MYCBP2: variants seen among roughly 807,000 people sequenced by gnomAD.
MYCBP2 encodes the protein E3 ubiquitin-protein ligase MYCBP2.
A neutral mutation model predicts 525.3 loss-of-function variants in MYCBP2; 120 were observed. That is an observed-to-expected ratio of 0.23 (90% CI 0.20 to 0.27). The LOEUF (loss-of-function observed/expected upper bound fraction) is 0.27, where lower values mean the gene tolerates loss of function less well. Among genes scored for constraint, MYCBP2 ranks in the 10% least tolerant of loss-of-function variants. The pLI is 1.00. For missense variants in MYCBP2, 4,149 were observed against 5,657.1 expected, an observed-to-expected ratio of 0.73 and a Z score of 8.55; for synonymous variants, 1,894 against 1,955.8, an observed-to-expected ratio of 0.97 and a Z score of 0.83.
Position 77,286,789 on chromosome 13 carries a change from AATATATAT to A in MYCBP2, c.594+1364_594+1371del, listed in dbSNP as rs1197559343. 9.2e-3 allele frequency among the ~76,000 whole-genome samples: 387 copies of A among 42,286 alleles called. 5 individuals carry two copies. Among genetic ancestry groups the A allele is most frequent in the African/African-American group, 0.015 (133 of 8,932 alleles). The allele number at this position is 42,286 out of a possible 152,430, so 27.7% of individuals were successfully genotyped here. A position where few individuals can be genotyped will look rare whatever the true frequency, so the allele number is the denominator to read the frequency against. ...AAAAAAAAAAAAAAAAAAAAAAAAA[AATATATAT>A]ATATATATATATATATATATAGACC... On this transcript the variant is annotated intron_variant, in intron 3 of 82. Transcript: ENST00000544440.
At chr13:77,313,554 C>G (rs1424284362) in intron 1 of MYCBP2, among the ~76,000 whole-genome samples, 1 of 151,752 alleles carries the variant, frequency 6.6e-6, no homozygotes, top group Non-Finnish European at 1.5e-5. Flanking sequence ...CAGGAGAAAA[C>G]CTAGATAACT....
intron 48 of MYCBP2, 96 bp downstream of exon 48, chr13:77,146,062 GTATT>G (rs1367435182): frequency 6.9e-6 from 5 of 719,442 alleles, no homozygotes; most frequent in African/African-American, 1.8e-5. Flanking sequence ...ATGCTATAAA[GTATT>G]TATTTATAGA....
intron 51 of MYCBP2, among the ~76,000 whole-genome samples, 161 bp from the exon 52 acceptor site, chr13:77,139,497 A>T (rs541437741): frequency 1.3e-5 from 2 of 152,196 alleles, no homozygotes; most frequent in Admixed American, 6.5e-5. Context: ...GGGAAAAAAA[A>T]AGCAGCAAAG....
At chr13:77,211,917 A>G (rs1164299532) in intron 22 of MYCBP2, 39 bp downstream of exon 22, 2 of 1,480,230 alleles carry the variant, frequency 1.4e-6, no homozygotes, top group Non-Finnish European at 1.9e-6. Context: ...CAATCAAGAC[A>G]AGAGTTTGGA....
chr13:77,195,406 G>A (rs118024837), intron 26 of MYCBP2, among the ~76,000 whole-genome samples: 1,592 of 152,258 alleles, frequency 0.01, 15 homozygotes, highest in Middle Eastern at 0.027. Flanking sequence ...ACACCAGCCT[G>A]GTCAACATGG....
At chr13:77,116,228 A>G (rs1166584229) in intron 55 of MYCBP2, among the ~76,000 whole-genome samples, 1 of 152,040 alleles carries the variant, frequency 6.6e-6, no homozygotes, top group African/African-American at 2.4e-5. Flanking sequence ...GGTCTTCTAC[A>G]TAATGATTTA....
intron 82 of MYCBP2, among the ~76,000 whole-genome samples, chr13:77,046,655 G>A (rs973540457): frequency 6.6e-6 from 1 of 152,200 alleles, no homozygotes; most frequent in African/African-American, 2.4e-5. Flanking sequence ...AGTAAGTTCT[G>A]TACAAGAGTA....
intron 55 of MYCBP2, among the ~76,000 whole-genome samples, chr13:77,119,819 G>A (rs928391084): frequency 7.2e-5 from 11 of 152,070 alleles, no homozygotes; most frequent in African/African-American, 2.7e-4. Context: ...TAAACTCCTG[G>A]CCTCAAGTGA....
chr13:77,282,738 T>G (rs2076329397), intron 3 of MYCBP2, among the ~76,000 whole-genome samples: 1 of 152,194 alleles, frequency 6.6e-6, no homozygotes, highest in African/African-American at 2.4e-5. Flanking sequence ...AATCAGCATG[T>G]GAACTAAACT....
chr13:77,276,059 T>C (rs1488340981), intron 4 of MYCBP2, among the ~76,000 whole-genome samples: 1 of 152,230 alleles, frequency 6.6e-6, no homozygotes, highest in Non-Finnish European at 1.5e-5. Context: ...ATTATACACA[T>C]ATCCAACTCT....
intron 13 of MYCBP2, among the ~76,000 whole-genome samples, chr13:77,259,760 A>C (rs185001636): frequency 2.3e-4 from 35 of 152,360 alleles, no homozygotes; most frequent in Admixed American, 1.9e-3. Flanking sequence ...CAAAGGCTTT[A>C]CATATTTATC....
At chr13:77,142,228 A>C (rs1352770097) in intron 49 of MYCBP2, among the ~76,000 whole-genome samples, 1 of 152,228 alleles carries the variant, frequency 6.6e-6, no homozygotes, top group Non-Finnish European at 1.5e-5. Flanking sequence ...ATTCTACTTC[A>C]TAAGATTTTT....
intron 5 of MYCBP2, 107 bp downstream of exon 5, chr13:77,273,365 A>T: frequency 1.2e-6 from 1 of 854,916 alleles, no homozygotes; most frequent in Non-Finnish European, 1.8e-6. Flanking sequence ...GGACAGATTA[A>T]GCTACTGTAA....
chr13:77,172,279 A>C (rs567291894), intron 37 of MYCBP2, among the ~76,000 whole-genome samples: 1 of 152,274 alleles, frequency 6.6e-6, no homozygotes, highest in African/African-American at 2.4e-5. Context: ...ATACTGGTGA[A>C]TTAAAGGAAC....
chr13:77,177,121 C>T (rs2059778983), intron 35 of MYCBP2, among the ~76,000 whole-genome samples: 1 of 148,166 alleles, frequency 6.7e-6, no homozygotes, highest in Non-Finnish European at 1.5e-5. Context: ...TCCATCTCAA[C>T]ATTGTGTTTC....
In MYCBP2 at chr13:77,206,678, T is replaced by C. The variant is rs755143483; in HGVS notation, c.3564A>G (p.Arg1188=). The C allele has an allele frequency of 1.9e-6, 3 of 1,605,372 alleles. No individual in the cohort carries two copies. Among genetic ancestry groups the C allele is most frequent in the East Asian group, 4.5e-5 (2 of 44,728 alleles). The change falls in exon 24 of 83, where the codon CGA becomes CGG. Residue 1188 remains arginine, a synonymous_variant. Transcript: ENST00000544440. ...LPTGSRALTT[R]SHAALHILGC... is the part of the protein sequence containing the mutation. ...CTAAAATGTGCAAAGCTGCATGAGATCGGGTAGTGAGGGCCCTTGATCCTG... is the reference window on the plus strand; with the variant it reads ...CTAAAATGTGCAAAGCTGCATGAGACCGGGTAGTGAGGGCCCTTGATCCTG...
chr13:77,307,625 CAAAAAAAAAAAAA>C (rs763388200), intron 1 of MYCBP2, among the ~76,000 whole-genome samples: 49 of 30,124 alleles, frequency 1.6e-3, no homozygotes, highest in African/African-American at 6.4e-3. Flanking sequence ...GACCCTGTCT[CAAAAAAAAAAAAA>C]AAAAAAAAAA....
At chr13:77,225,961 T>C (rs1382260154) in intron 18 of MYCBP2, among the ~76,000 whole-genome samples, 1 of 152,208 alleles carries the variant, frequency 6.6e-6, no homozygotes, top group Non-Finnish European at 1.5e-5. Context: ...GTACTAGCCA[T>C]TTTTAAAAAA....
chr13:77,306,872 G>C (rs893719263), intron 1 of MYCBP2, among the ~76,000 whole-genome samples: 2 of 152,086 alleles, frequency 1.3e-5, no homozygotes, highest in Non-Finnish European at 2.9e-5. Flanking sequence ...TTCAGATGGT[G>C]GGATTTTCGG....
Sources: allele counts gnomAD v4.1 joint callset (sites outside exome capture counted in the v4.1 genomes callset), GRCh38; gene constraint gnomAD v4.1.1; transcripts MANE v1.5; gene names NCBI Gene and HGNC (gene_info 2026-07-23, HGNC 2026-07-21).